Variants in PPARGC1A observed in about 807,000 individuals in gnomAD.
PPARGC1A encodes the protein peroxisome proliferator-activated receptor gamma coactivator 1-alpha.
In PPARGC1A, 25 loss-of-function variants were observed where a neutral mutation model predicts 88.7. That is an observed-to-expected ratio of 0.28 (90% CI 0.21 to 0.39). The LOEUF (loss-of-function observed/expected upper bound fraction) is 0.39, where lower values mean the gene tolerates loss of function less well. PPARGC1A is among the 10% of genes least tolerant of loss of function. The pLI is 1.00. For missense variants in PPARGC1A, 880 were observed against 968.7 expected, an observed-to-expected ratio of 0.91 and a Z score of 1.22; for synonymous variants, 363 against 355.6, an observed-to-expected ratio of 1.02 and a Z score of -0.24.
At chr4:23,809,068 T>A (rs1720397679) in intron 10 of PPARGC1A, among the ~76,000 whole-genome samples, 2 of 152,156 alleles carry the variant, frequency 1.3e-5, no homozygotes, top group Non-Finnish European at 2.9e-5. Context: ...AATTTGCTTC[T>A]TACTCATTAC....
At chr4:23,962,098 C>T in the PPARGC1A span, among the ~76,000 whole-genome samples, 176 of 151,934 alleles carry the variant, frequency 1.2e-3, no homozygotes, top group African/African-American at 4.0e-3. Flanking sequence ...AGCCCATCTT[C>T]CATAACCCCT....
At chr4:24,346,935 A>T in the PPARGC1A span, among the ~76,000 whole-genome samples, 8 of 152,066 alleles carry the variant, frequency 5.3e-5, no homozygotes, top group Admixed American at 1.3e-4. Context: ...CTTAGCACCA[A>T]CTTTGCTCTA....
the PPARGC1A span, among the ~76,000 whole-genome samples, chr4:23,978,588 A>G: frequency 6.6e-6 from 1 of 152,204 alleles, no homozygotes; most frequent in East Asian, 1.9e-4. Flanking sequence ...TTATAACCCT[A>G]TTTGATAAAC....
chr4:23,999,158 TC>T, the PPARGC1A span, among the ~76,000 whole-genome samples: 1 of 152,136 alleles, frequency 6.6e-6, no homozygotes, highest in African/African-American at 2.4e-5. Context: ...AAGGGCCTCT[TC>T]CTGAGTGCCT....
intron 11 of PPARGC1A, 65 bp downstream of exon 11, chr4:23,802,159 T>C (rs895269898): frequency 6.2e-7 from 1 of 1,606,476 alleles, no homozygotes; most frequent in African/African-American, 1.3e-5. Context: ...ATCCCAGTAA[T>C]CTTATGGCCA....
chr4:24,300,188 T>C, the PPARGC1A span, among the ~76,000 whole-genome samples: 1 of 152,276 alleles, frequency 6.6e-6, no homozygotes, highest in African/African-American at 2.4e-5. Context: ...ATTTGTGTCT[T>C]CCTCACATTT....
the PPARGC1A span, among the ~76,000 whole-genome samples, chr4:24,154,161 A>G: frequency 3.9e-5 from 6 of 152,272 alleles, no homozygotes; most frequent in Non-Finnish European, 8.8e-5. Flanking sequence ...GTCCAAACCT[A>G]CCTGAGTGAT....
chr4:24,233,585 T>TAC, the PPARGC1A span, among the ~76,000 whole-genome samples: 584 of 149,318 alleles, frequency 3.9e-3, 2 homozygotes, highest in African/African-American at 0.013. Context: ...CACAAACACA[T>TAC]ACACACACAC....
At chr4:24,425,214 A>G in the PPARGC1A span, among the ~76,000 whole-genome samples, 1 of 152,216 alleles carries the variant, frequency 6.6e-6, no homozygotes, top group South Asian at 2.1e-4. Flanking sequence ...ATGGTAACAG[A>G]TTACAGAGGA....
chr4:24,150,995 C>A, the PPARGC1A span, among the ~76,000 whole-genome samples: 2 of 152,188 alleles, frequency 1.3e-5, no homozygotes, highest in African/African-American at 4.8e-5. Context: ...ACGTGTGATT[C>A]CCCAGTTCTG....
At chr4:24,370,944 C>T in the PPARGC1A span, among the ~76,000 whole-genome samples, 1 of 151,682 alleles carries the variant, frequency 6.6e-6, no homozygotes, top group African/African-American at 2.4e-5. Context: ...CCCTCACTCC[C>T]GAAAGTCCCT....
the PPARGC1A span, among the ~76,000 whole-genome samples, chr4:24,450,937 C>T: frequency 6.6e-6 from 1 of 152,152 alleles, no homozygotes; most frequent in African/African-American, 2.4e-5. Context: ...GTCTCAGAAA[C>T]CAAAAGCTGT....
chr4:24,150,592 G>A, the PPARGC1A span, among the ~76,000 whole-genome samples: 2 of 152,096 alleles, frequency 1.3e-5, no homozygotes, highest in African/African-American at 4.8e-5. Flanking sequence ...CTAAAATAAT[G>A]TTGCTAGAGC....
chr4:24,014,916 A>T, the PPARGC1A span, among the ~76,000 whole-genome samples: 1 of 152,164 alleles, frequency 6.6e-6, no homozygotes. Context: ...TCATATTGAC[A>T]TATTTTGACC....
chr4:24,108,607 A>G, the PPARGC1A span, among the ~76,000 whole-genome samples: 1 of 152,136 alleles, frequency 6.6e-6, no homozygotes, highest in Non-Finnish European at 1.5e-5. Flanking sequence ...AGCTCTCTGC[A>G]GGAGGAATCA....
the PPARGC1A span, among the ~76,000 whole-genome samples, chr4:23,927,353 A>G: frequency 3.3e-5 from 5 of 152,304 alleles, no homozygotes; most frequent in South Asian, 8.3e-4. Flanking sequence ...CTACATGTAG[A>G]TATTTTAAAG....
At chr4:23,864,533 T>A (rs1731808155) in intron 2 of PPARGC1A, among the ~76,000 whole-genome samples, 1 of 152,074 alleles carries the variant, frequency 6.6e-6, no homozygotes, top group African/African-American at 2.4e-5. Context: ...ATCACCTAAG[T>A]ATGAGTTACT....
chr4:23,851,509 A>C (rs555565055), intron 2 of PPARGC1A, among the ~76,000 whole-genome samples: 1 of 152,320 alleles, frequency 6.6e-6, no homozygotes, highest in East Asian at 1.9e-4. Context: ...GGCTGAGCAC[A>C]ATATTGAAAA....
intron 7 of PPARGC1A, among the ~76,000 whole-genome samples, chr4:23,822,062 A>G (rs1250836072): frequency 1.3e-5 from 2 of 152,128 alleles, no homozygotes; most frequent in African/African-American, 4.8e-5. Context: ...TGAGTAGACA[A>G]TTTTATCAGT....
Sources: gnomAD v4.1 joint callset for allele counts (sites outside exome capture counted in the v4.1 genomes callset) on GRCh38, gnomAD v4.1.1 for gene constraint, MANE v1.5 for transcripts, NCBI Gene and HGNC (gene_info 2026-07-23, HGNC 2026-07-21) for gene names.